The following GRM5 variants were observed in gnomAD, a reference collection of about 807,000 sequenced individuals.
GRM5 encodes glutamate metabotropic receptor 5, also known as metabotropic glutamate receptor 5.
In GRM5, 19 loss-of-function variants were observed where a neutral mutation model predicts 83.1. The observed-to-expected ratio is 0.23, with a 90% CI of 0.16 to 0.34. The LOEUF is 0.34. Among genes scored for constraint, GRM5 ranks in the 10% least tolerant of loss-of-function variants. GRM5 has a pLI of 1.00. For synonymous variants in GRM5, 675 were observed against 633.6 expected (o/e 1.07, Z -0.98); for missense variants, 1,160 against 1,588.3 (o/e 0.73, Z 4.58).
intron 2 of GRM5, among the ~76,000 whole-genome samples, chr11:88,943,777 TTCTC>T (rs1346242338): frequency 6.6e-6 from 1 of 152,014 alleles, no homozygotes; most frequent in African/African-American, 2.4e-5. Context: ...ATATCCAGAT[TTCTC>T]TCTTTTTGTT....
chr11:88,855,387 C>CA (rs1157769674), intron 2 of GRM5, among the ~76,000 whole-genome samples: 1 of 151,884 alleles, frequency 6.6e-6, no homozygotes, highest in African/African-American at 2.4e-5. Context: ...GTTCTTTCTA[C>CA]ATGGAATACA....
At chr11:88,762,879 A>G (rs1207757567) in intron 3 of GRM5, among the ~76,000 whole-genome samples, 1 of 152,012 alleles carries the variant, frequency 6.6e-6, no homozygotes, top group South Asian at 2.1e-4. Context: ...ACGAACATGT[A>G]ATGGACTGGA....
chr11:88,893,142 CAAAAAAAAA>C (rs398017016), intron 2 of GRM5, among the ~76,000 whole-genome samples: 1 of 118,582 alleles, frequency 8.4e-6, no homozygotes, highest in Non-Finnish European at 1.8e-5. Flanking sequence ...TAATAGTCAC[CAAAAAAAAA>C]AAAAGAAAAG....
At chr11:88,945,377 G>T (rs572512407) in intron 2 of GRM5, among the ~76,000 whole-genome samples, 10 of 151,912 alleles carry the variant, frequency 6.6e-5, no homozygotes, top group African/African-American at 2.2e-4. Flanking sequence ...ATTTTTCACA[G>T]AACTAGAAAA....
intron 3 of GRM5, among the ~76,000 whole-genome samples, chr11:88,814,570 C>CTA (rs1324865240): frequency 1.3e-5 from 2 of 152,034 alleles, no homozygotes; most frequent in East Asian, 1.9e-4. Context: ...GAGAATATTT[C>CTA]TATATATATA....
At chr11:88,526,299 T>C (rs1174768313) in intron 8 of GRM5, among the ~76,000 whole-genome samples, 1 of 152,240 alleles carries the variant, frequency 6.6e-6, no homozygotes, top group East Asian at 1.9e-4. Context: ...TGACAGTTTT[T>C]TGAGCTAACA....
chr11:88,742,107 T>C (rs11021137), intron 3 of GRM5, among the ~76,000 whole-genome samples: 2,518 of 152,110 alleles, frequency 0.017, 43 homozygotes, highest in East Asian at 0.069. Context: ...AAGCGTGGCA[T>C]TGAATGACAT....
At chr11:88,632,453 C>T (rs544128500) in intron 4 of GRM5, among the ~76,000 whole-genome samples, 1 of 151,996 alleles carries the variant, frequency 6.6e-6, no homozygotes, top group South Asian at 2.1e-4. Flanking sequence ...AGGTTGATCT[C>T]GAGCTCCTGG....
chr11:88,779,530 A>G (rs963542456), intron 3 of GRM5, among the ~76,000 whole-genome samples: 1 of 152,148 alleles, frequency 6.6e-6, no homozygotes, highest in African/African-American at 2.4e-5. Context: ...AATTTCAATA[A>G]CAGAATTTTT....
chr11:88,531,584 T>C (rs1263275211), intron 8 of GRM5, among the ~76,000 whole-genome samples: 2 of 152,144 alleles, frequency 1.3e-5, no homozygotes, highest in African/African-American at 2.4e-5. Flanking sequence ...CATGGCATAC[T>C]TAGAGACATG....
intron 2 of GRM5, among the ~76,000 whole-genome samples, chr11:88,943,495 T>C (rs3913994): frequency 1.3e-5 from 2 of 152,050 alleles, no homozygotes; most frequent in Non-Finnish European, 2.9e-5. Flanking sequence ...TGGAAGCATA[T>C]TGCTGCTACT....
At chr11:88,713,790 G>A (rs374098462) in intron 3 of GRM5, among the ~76,000 whole-genome samples, 31 of 151,830 alleles carry the variant, frequency 2.0e-4, no homozygotes, top group African/African-American at 7.5e-4. Flanking sequence ...TTCATTTGGG[G>A]GCCTAAATGA....
At chr11:88,886,883 G>T (rs547979873) in intron 2 of GRM5, among the ~76,000 whole-genome samples, 1 of 152,132 alleles carries the variant, frequency 6.6e-6, no homozygotes, top group Non-Finnish European at 1.5e-5. Flanking sequence ...TATAGCTCAA[G>T]GGAAGGCATC....
At chr11:88,890,284 G>T (rs946280111) in intron 2 of GRM5, among the ~76,000 whole-genome samples, 1 of 152,032 alleles carries the variant, frequency 6.6e-6, no homozygotes, top group African/African-American at 2.4e-5. Context: ...GTATAAAATG[G>T]CACACTTAAT....
rs1302179397 is a variant in GRM5 at position 88,798,000 on chromosome 11, TATA to T, written c.911+51903_911+51905del. 3.9e-5 allele frequency among the ~76,000 whole-genome samples: 6 copies of T among 152,230 alleles called. No individual in the cohort carries two copies. In the East Asian group the frequency reaches 1.2e-3, roughly 29 times the overall value. On this transcript the variant is annotated intron_variant, in intron 3 of 9. Transcript: ENST00000305447. ...TGCTGATTTTTCCTTCCATGCATAT[TATA>T]ATGTTTCCTTCATCCCATGCTTCTC...
chr11:88,973,762 G>A (rs975999904), intron 2 of GRM5, among the ~76,000 whole-genome samples: 2 of 152,012 alleles, frequency 1.3e-5, no homozygotes, highest in Admixed American at 1.3e-4. Context: ...GAGTAATGGG[G>A]TATCATAACT....
intron 3 of GRM5, among the ~76,000 whole-genome samples, chr11:88,774,236 T>C (rs1299345609): frequency 6.6e-6 from 1 of 151,234 alleles, no homozygotes; most frequent in African/African-American, 2.4e-5. Context: ...AGTTCACACA[T>C]GATTTGGCTC....
chr11:88,541,024 A>G (rs1942253451), intron 8 of GRM5, among the ~76,000 whole-genome samples: 1 of 152,174 alleles, frequency 6.6e-6, no homozygotes, highest in South Asian at 2.1e-4. Flanking sequence ...TGCTGGAATT[A>G]CAGGCGTGAG....
intron 3 of GRM5, among the ~76,000 whole-genome samples, chr11:88,733,228 C>T (rs1296163378): frequency 6.6e-6 from 1 of 151,864 alleles, no homozygotes; most frequent in Admixed American, 6.6e-5. Flanking sequence ...GCTGCTTATC[C>T]CCAGCATCTA....
Sources: allele counts gnomAD v4.1 joint callset (sites outside exome capture counted in the v4.1 genomes callset), GRCh38; gene constraint gnomAD v4.1.1; transcripts MANE v1.5; gene names NCBI Gene and HGNC (gene_info 2026-07-23, HGNC 2026-07-21).